The following CALN1 variants were observed in gnomAD, a reference collection of about 807,000 sequenced individuals.
The protein encoded by CALN1 is calneuron 1.
A neutral mutation model predicts 30.6 loss-of-function variants in CALN1; 17 were observed. The ratio of observed to expected loss-of-function variants is 0.56; its 90% CI spans 0.38 to 0.83. The LOEUF (loss-of-function observed/expected upper bound fraction) is 0.83, where lower values mean the gene tolerates loss of function less well. Among genes scored for constraint, CALN1 ranks in the 40% least tolerant of loss-of-function variants. CALN1 has a pLI of 0.00. For synonymous variants in CALN1, 156 were observed against 131.4 expected (o/e 1.19, Z -1.28); for missense variants, 291 against 354.9 (o/e 0.82, Z 1.45).
chr7:72,368,139 A>G (rs1356503524), intron 2 of CALN1, among the ~76,000 whole-genome samples: 2 of 151,394 alleles, frequency 1.3e-5, no homozygotes, highest in Non-Finnish European at 2.9e-5. Flanking sequence ...ACATATCTGT[A>G]TCTATATCTA....
chr7:72,079,761 C>CTTTTTTTTTTTTTTTTTTTTTT (rs3065015), intron 4 of CALN1, among the ~76,000 whole-genome samples: 2 of 104,038 alleles, frequency 1.9e-5, no homozygotes, highest in African/African-American at 4.0e-5. Context: ...TGCCTTTTTC[C>CTTTTTTTTTTTTTTTTTTTTTT]TTTTTTTTTT....
At chr7:72,401,634 G>C (rs922126928) in intron 2 of CALN1, among the ~76,000 whole-genome samples, 1 of 152,158 alleles carries the variant, frequency 6.6e-6, no homozygotes, top group African/African-American at 2.4e-5. Context: ...GTCCCCCAGA[G>C]GCAGGTGACA....
intron 2 of CALN1, among the ~76,000 whole-genome samples, chr7:72,304,241 G>C (rs375267172): frequency 1.3e-5 from 2 of 152,344 alleles, no homozygotes; most frequent in East Asian, 1.9e-4. Flanking sequence ...AAATGTGACT[G>C]GCAGAGACTG....
intron 5 of CALN1, among the ~76,000 whole-genome samples, chr7:71,945,156 T>G (rs978237545): frequency 6.7e-6 from 1 of 149,954 alleles, no homozygotes; most frequent in Non-Finnish European, 1.5e-5. Context: ...TCTCACCATG[T>G]GATGTACCTG....
chr7:72,483,274 C>CT, the CALN1 span, among the ~76,000 whole-genome samples: 1 of 108,060 alleles, frequency 9.3e-6, no homozygotes, highest in African/African-American at 3.6e-5. Flanking sequence ...TTTCCTTTTT[C>CT]TTTTTCTTTT....
Position 72,355,808 on chromosome 7 carries a change from C to A in CALN1, c.119+47443G>T, listed in dbSNP as rs868228153. Among the ~76,000 whole-genome samples, 131 of 152,178 alleles carry A rather than the reference C, an allele frequency of 8.6e-4. 1 individual carries two copies. Among genetic ancestry groups the A allele is most frequent in the African/African-American group, 3.0e-3 (123 of 41,514 alleles). On this transcript the variant is annotated intron_variant, in intron 2 of 6. Coordinates refer to ENST00000395275, the MANE Select transcript of CALN1 (RefSeq NM_031468.4). ...GGTTGACTCCATCAGAGTACAAGGG[C>A]ACAGTTTAGGTTGAAGGAAATGTTT...
intron 5 of CALN1, among the ~76,000 whole-genome samples, chr7:71,822,069 T>A (rs906179498): frequency 6.6e-6 from 1 of 151,896 alleles, no homozygotes; most frequent in African/African-American, 2.4e-5. Context: ...ACACCTGGCC[T>A]TTCTTTTGGT....
chr7:72,015,240 G>A (rs143688524), intron 5 of CALN1, among the ~76,000 whole-genome samples: 8 of 152,318 alleles, frequency 5.3e-5, no homozygotes, highest in African/African-American at 1.9e-4. Context: ...CTAACTCGCT[G>A]CCTTGTCCCA....
intron 4 of CALN1, among the ~76,000 whole-genome samples, chr7:72,067,438 C>T (rs568458588): frequency 2.6e-5 from 4 of 151,560 alleles, no homozygotes; most frequent in South Asian, 2.1e-4. Context: ...TTAATACAGA[C>T]GAGGTTTTGC....
chr7:71,983,220 C>G (rs1408049104), intron 5 of CALN1, among the ~76,000 whole-genome samples: 1 of 152,174 alleles, frequency 6.6e-6, no homozygotes, highest in Non-Finnish European at 1.5e-5. Flanking sequence ...ATTAAACCTT[C>G]ACTCTTAAAC....
chr7:72,300,703 T>A (rs979697233), intron 2 of CALN1, among the ~76,000 whole-genome samples: 1 of 152,172 alleles, frequency 6.6e-6, no homozygotes, highest in Non-Finnish European at 1.5e-5. Context: ...TGTCTAATTA[T>A]ATTTATAGCC....
chr7:72,209,776 G>T (rs755435537), intron 3 of CALN1, among the ~76,000 whole-genome samples: 97 of 152,172 alleles, frequency 6.4e-4, no homozygotes, highest in Admixed American at 1.1e-3. Flanking sequence ...GGGCATTTCA[G>T]AGAAATGGAA....
chr7:72,389,520 G>C (rs748669568), intron 2 of CALN1, among the ~76,000 whole-genome samples: 4 of 152,162 alleles, frequency 2.6e-5, no homozygotes, highest in Non-Finnish European at 5.9e-5. Context: ...AGCTTTCACT[G>C]CCCGTGAAGC....
chr7:72,298,639 T>C (rs944633687), intron 2 of CALN1, among the ~76,000 whole-genome samples: 1 of 152,094 alleles, frequency 6.6e-6, no homozygotes, highest in Non-Finnish European at 1.5e-5. Context: ...ATTAATATAA[T>C]CTGTAAATCC....
chr7:72,303,881 T>C (rs778832734), intron 2 of CALN1, among the ~76,000 whole-genome samples: 3 of 152,070 alleles, frequency 2.0e-5, no homozygotes, highest in Non-Finnish European at 4.4e-5. Flanking sequence ...CTCGAGAAAA[T>C]AAAAAGTAAA....
At position 71,867,966 on chromosome 7, in the gene CALN1, T is replaced by C. The variant is rs1791687211; in HGVS notation, c.502-57474A>G. ...GTCCACTTATGTTTTTAAACATCTA[T>C]GATAGACATATCTCCTTTTTCATTA... On this transcript the variant is annotated intron_variant, in intron 5 of 6. Coordinates refer to ENST00000395275, the MANE Select transcript of CALN1 (RefSeq NM_031468.4). Among the ~76,000 whole-genome samples, 3 of 152,368 alleles carry C rather than the reference T, an allele frequency of 2.0e-5. No homozygotes were observed. The South Asian group carries it at 6.2e-4, about 32-fold the overall frequency.
chr7:72,481,564 T>C, the CALN1 span, among the ~76,000 whole-genome samples: 7 of 152,360 alleles, frequency 4.6e-5, no homozygotes, highest in South Asian at 1.0e-3. Context: ...AAGCTTAGGT[T>C]ATTTAAGAAC....
At chr7:72,166,046 G>C (rs1585075699) in intron 3 of CALN1, among the ~76,000 whole-genome samples, 3 of 152,154 alleles carry the variant, frequency 2.0e-5, no homozygotes, top group Non-Finnish European at 2.9e-5. Flanking sequence ...ACAGAGGCTA[G>C]AGAACTAAAC....
At chr7:72,168,385 A>G (rs1256031183) in intron 3 of CALN1, among the ~76,000 whole-genome samples, 2 of 152,220 alleles carry the variant, frequency 1.3e-5, no homozygotes, top group Admixed American at 1.3e-4. Context: ...AAGTTATTCA[A>G]GATGCAGAAA....
Sources: allele counts gnomAD v4.1 joint callset (sites outside exome capture counted in the v4.1 genomes callset), GRCh38; gene constraint gnomAD v4.1.1; transcripts MANE v1.5; gene names NCBI Gene and HGNC (gene_info 2026-07-23, HGNC 2026-07-21).